ADAMTSL3: variants seen among roughly 807,000 people sequenced by gnomAD.
The protein encoded by ADAMTSL3 is ADAMTS like 3.
In ADAMTSL3, 128 loss-of-function variants were observed where a neutral mutation model predicts 201.7. The observed-to-expected ratio is 0.63, with a 90% confidence interval of 0.55 to 0.73. The LOEUF is 0.73. Among genes scored for constraint, ADAMTSL3 ranks in the 30% least tolerant of loss-of-function variants. ADAMTSL3 has a pLI of 0.00. For synonymous variants in ADAMTSL3, 738 were observed against 748.4 expected (o/e 0.99, Z 0.23); for missense variants, 1,990 against 2,119.6 (o/e 0.94, Z 1.20).
intron 23 of ADAMTSL3, among the ~76,000 whole-genome samples, chr15:84,002,936 C>CT (rs368176543): frequency 0.54 from 54,701 of 100,850 alleles, 14,507 homozygotes; most frequent in Admixed American, 0.59. Flanking sequence ...CTTTTCTTTT[C>CT]TTTTTTTTTT....
At chr15:83,877,341 A>G (rs1183868957) in intron 9 of ADAMTSL3, among the ~76,000 whole-genome samples, 1 of 152,362 alleles carries the variant, frequency 6.6e-6, no homozygotes, top group East Asian at 1.9e-4. Flanking sequence ...AATAGAATCA[A>G]TATTTTTTCT....
chr15:84,003,861 G>A (rs1200079607), intron 23 of ADAMTSL3, among the ~76,000 whole-genome samples: 1 of 152,118 alleles, frequency 6.6e-6, no homozygotes, highest in Non-Finnish European at 1.5e-5. Flanking sequence ...AGTTCATTCC[G>A]GCTGCTATGA....
chr15:83,788,893 T>G (rs987755317), intron 4 of ADAMTSL3, among the ~76,000 whole-genome samples: 7 of 152,214 alleles, frequency 4.6e-5, no homozygotes, highest in African/African-American at 1.4e-4. Flanking sequence ...CACTGCAGCC[T>G]CCGCCTCCTG....
intron 3 of ADAMTSL3, among the ~76,000 whole-genome samples, chr15:83,743,944 A>G (rs2062500437): frequency 6.6e-6 from 1 of 151,762 alleles, no homozygotes; most frequent in Non-Finnish European, 1.5e-5. Context: ...TCTGCCTCTC[A>G]GGTTCACACC....
chr15:83,950,808 G>A (rs1449282855), intron 19 of ADAMTSL3, among the ~76,000 whole-genome samples: 2 of 149,542 alleles, frequency 1.3e-5, no homozygotes, highest in Non-Finnish European at 3.0e-5. Context: ...ATTGTTCGCT[G>A]TTGGCTTATA....
At chr15:83,813,448 C>A (rs1343541148) in intron 5 of ADAMTSL3, among the ~76,000 whole-genome samples, 3 of 152,156 alleles carry the variant, frequency 2.0e-5, no homozygotes, top group African/African-American at 7.2e-5. Flanking sequence ...AAGAAAAGAT[C>A]AAATGTTCTT....
intron 3 of ADAMTSL3, among the ~76,000 whole-genome samples, chr15:83,750,621 G>A (rs924815819): frequency 2.0e-5 from 3 of 152,030 alleles, no homozygotes; most frequent in East Asian, 1.9e-4. Context: ...GCATGATCTC[G>A]GCTCACTGCA....
At position 83,749,651 on chromosome 15, in the gene ADAMTSL3, G is replaced by A. The variant is rs73437212; in HGVS notation, c.190-23872G>A. On this transcript the variant is annotated intron_variant, in intron 3 of 29. Transcript: ENST00000286744. The stretch of plus-strand genomic sequence containing the variant: ...AAACACTAGATGGTCTGAGCAGTGG[G>A]GAGGTGTTACTAAGGTGTGAAATTG... Among the ~76,000 whole-genome samples the A allele has an allele frequency of 3.2e-3, 495 of 152,310 alleles. 7 individuals carry two copies. The highest frequency in any genetic ancestry group is 0.011 in the African/African-American group (474 of 41,554).
chr15:83,884,344 T>C (rs1403796025), intron 9 of ADAMTSL3, among the ~76,000 whole-genome samples: 5 of 147,514 alleles, frequency 3.4e-5, no homozygotes, highest in Non-Finnish European at 4.5e-5. Context: ...TTTCCTTTTT[T>C]TTTTTTTTTT....
chr15:83,706,159 A>G (rs879784288), intron 3 of ADAMTSL3, among the ~76,000 whole-genome samples: 7 of 152,164 alleles, frequency 4.6e-5, no homozygotes, highest in Non-Finnish European at 1.0e-4. Context: ...CAGAGGAACT[A>G]ATTGAGAGGG....
At position 83,803,363 on chromosome 15, in the gene ADAMTSL3, C is replaced by CA. The variant is rs2063552957; in HGVS notation, c.318-1280dup. On this transcript the variant is annotated intron_variant, in intron 4 of 29. Transcript: ENST00000286744. ...TAGGCTCATATTTAAATCATACTGG[C>CA]AAAAAAATGACCTCCTATCCACTTT... Among the ~76,000 whole-genome samples the CA allele has an allele frequency of 3.9e-5, 6 of 151,962 alleles. 2 individuals are homozygous for CA. The Middle Eastern group carries it at 0.021, about 520-fold the overall frequency.
chr15:83,739,769 C>G, intron 3 of ADAMTSL3: 1 of 528,320 alleles, frequency 1.9e-6, no homozygotes, highest in African/African-American at 1.9e-5. Context: ...CCAAGGAGCC[C>G]TAGAAGTCCC....
At chr15:83,682,974 C>G (rs966473502) in intron 2 of ADAMTSL3, among the ~76,000 whole-genome samples, 2 of 152,150 alleles carry the variant, frequency 1.3e-5, no homozygotes, top group African/African-American at 4.8e-5. Flanking sequence ...GAAAGACATC[C>G]CAGGCAGGCC....
chr15:83,676,784 TATAAA>T (rs1269552588), intron 2 of ADAMTSL3, among the ~76,000 whole-genome samples: 1 of 152,190 alleles, frequency 6.6e-6, no homozygotes, highest in East Asian at 1.9e-4. Context: ...TCAATGCCCT[TATAAA>T]ATAGGCCAAA....
intron 20 of ADAMTSL3, among the ~76,000 whole-genome samples, chr15:83,977,560 G>C (rs933814273): frequency 3.3e-5 from 5 of 151,994 alleles, no homozygotes; most frequent in African/African-American, 9.7e-5. Flanking sequence ...AGCCAGCTGG[G>C]TACTGGCAAT....
At chr15:83,953,684 T>G (rs2066798369) in intron 19 of ADAMTSL3, among the ~76,000 whole-genome samples, 1 of 152,200 alleles carries the variant, frequency 6.6e-6, no homozygotes, top group Admixed American at 6.5e-5. Flanking sequence ...TATTTCAGAC[T>G]GAAGAGCTCC....
At chr15:84,005,198 G>A (rs1483104428) in intron 23 of ADAMTSL3, among the ~76,000 whole-genome samples, 1 of 152,208 alleles carries the variant, frequency 6.6e-6, no homozygotes, top group African/African-American at 2.4e-5. Flanking sequence ...GTCCTCTGGG[G>A]TTTTGCTGGT....
chr15:83,714,908 T>C (rs181018930), intron 3 of ADAMTSL3, among the ~76,000 whole-genome samples: 1,360 of 94,512 alleles, frequency 0.014, 43 homozygotes, highest in Non-Finnish European at 0.021. Context: ...CTTCCTTCCT[T>C]CCTTCCTTCC....
chr15:83,972,308 T>A (rs1314126494), intron 20 of ADAMTSL3, among the ~76,000 whole-genome samples: 1 of 152,178 alleles, frequency 6.6e-6, no homozygotes, highest in African/African-American at 2.4e-5. Flanking sequence ...AAATCTTGAG[T>A]CCAAAAACTT....
Sources: allele counts gnomAD v4.1 joint callset (sites outside exome capture counted in the v4.1 genomes callset), GRCh38; gene constraint gnomAD v4.1.1; transcripts MANE v1.5; gene names NCBI Gene and HGNC (gene_info 2026-07-23, HGNC 2026-07-21).